Variants in STXBP5 observed in about 807,000 individuals in gnomAD.
STXBP5 encodes the protein syntaxin binding protein 5.
STXBP5 carries 50 observed loss-of-function variants against 152.4 expected under a neutral mutation model. The observed-to-expected ratio is 0.33, with a 90% CI of 0.26 to 0.42. The LOEUF is 0.42. STXBP5 is among the 10% of genes least tolerant of loss of function. The probability of loss-of-function intolerance (pLI) is 1.00; values close to 1 mark genes in which losing one functional copy is unlikely to be tolerated. For missense variants in STXBP5, 1,167 were observed against 1,388.6 expected, an observed-to-expected ratio of 0.84 and a Z score of 2.54; for synonymous variants, 492 against 494.7, an observed-to-expected ratio of 0.99 and a Z score of 0.07.
intron 7 of STXBP5, among the ~76,000 whole-genome samples, chr6:147,271,941 A>G (rs1305685218): frequency 1.3e-5 from 2 of 152,130 alleles, no homozygotes; most frequent in African/African-American, 4.8e-5. Context: ...GTATCATTCC[A>G]GTTTCTACAG....
At chr6:147,340,027 G>T (rs1784019887) in intron 21 of STXBP5, among the ~76,000 whole-genome samples, 1 of 151,978 alleles carries the variant, frequency 6.6e-6, no homozygotes, top group African/African-American at 2.4e-5. Flanking sequence ...GGGTTTCAAG[G>T]TCACGAAAGT....
chr6:147,363,165 C>T (rs1194546388), intron 23 of STXBP5, among the ~76,000 whole-genome samples, 170 bp from the exon 24 acceptor site: 4 of 152,158 alleles, frequency 2.6e-5, no homozygotes, highest in Non-Finnish European at 4.4e-5. Context: ...CATCTTTTTC[C>T]AGACTCATAA....
chr6:147,324,263 GGTTT>G (rs1783095780), intron 16 of STXBP5, among the ~76,000 whole-genome samples: 2 of 85,042 alleles, frequency 2.4e-5, no homozygotes, highest in African/African-American at 9.0e-5. Flanking sequence ...GTTTTTTTTT[GGTTT>G]TTTTTTTTTT....
intron 16 of STXBP5, among the ~76,000 whole-genome samples, chr6:147,321,003 C>CA (rs1562485446): frequency 6.6e-6 from 1 of 152,028 alleles, no homozygotes; most frequent in East Asian, 1.9e-4. Context: ...TTTTTGGAGA[C>CA]AGAGTCATGA....
At chr6:147,246,927 T>G (rs1778838205) in intron 4 of STXBP5, among the ~76,000 whole-genome samples, 1 of 152,174 alleles carries the variant, frequency 6.6e-6, no homozygotes, top group Admixed American at 6.5e-5. Context: ...AGCATCAGAT[T>G]TTCCCAGTAT....
At chr6:147,209,836 G>A (rs954912764) in intron 2 of STXBP5, among the ~76,000 whole-genome samples, 4 of 152,174 alleles carry the variant, frequency 2.6e-5, no homozygotes, top group African/African-American at 9.6e-5. Flanking sequence ...AAGGAAAACA[G>A]TATGGGCAAA....
At chr6:147,257,125 G>C (rs1339242742) in intron 4 of STXBP5, among the ~76,000 whole-genome samples, 1 of 151,608 alleles carries the variant, frequency 6.6e-6, no homozygotes. Context: ...TGATTTGTAA[G>C]ATATGTTTAA....
intron 5 of STXBP5, among the ~76,000 whole-genome samples, chr6:147,261,845 T>C (rs1011601144): frequency 1.4e-4 from 22 of 152,118 alleles, no homozygotes; most frequent in African/African-American, 5.1e-4. Flanking sequence ...AACTTCTTTT[T>C]CTCTGAGCAG....
chr6:147,246,629 T>G (rs1249330743), intron 4 of STXBP5, among the ~76,000 whole-genome samples: 1 of 152,176 alleles, frequency 6.6e-6, no homozygotes, highest in Non-Finnish European at 1.5e-5. Context: ...AATAGTCTGA[T>G]TTACAGTTTC....
chr6:147,346,718 T>C (rs1392405585), intron 21 of STXBP5, among the ~76,000 whole-genome samples: 1 of 151,668 alleles, frequency 6.6e-6, no homozygotes, highest in East Asian at 1.9e-4. Flanking sequence ...CCAGTGTGGG[T>C]GACAGGGTGA....
intron 23 of STXBP5, among the ~76,000 whole-genome samples, 163 bp downstream of exon 23, chr6:147,359,486 T>G (rs1252253934): frequency 6.6e-6 from 1 of 151,968 alleles, no homozygotes; most frequent in East Asian, 1.9e-4. Flanking sequence ...ATACTTTAAG[T>G]TTTAGGGTAC....
rs537706919 is a variant in STXBP5, at chr6:147,304,711, G to T, written c.918-5373G>T. On this transcript the variant is annotated intron_variant, in intron 9 of 27. Transcript: ENST00000321680. Reference sequence around the variant, plus strand: ...CCTGCAAAGCCACAGGGGCAGAGCTGTCAAGACCATGGGAACCCACCTCTT... The same window carrying T: ...CCTGCAAAGCCACAGGGGCAGAGCTTTCAAGACCATGGGAACCCACCTCTT... Among the ~76,000 whole-genome samples the T allele has an allele frequency of 6.6e-5, 10 of 152,294 alleles. No individual in the cohort carries two copies. The East Asian group carries it at 1.4e-3, about 21-fold the overall frequency.
intron 16 of STXBP5, 146 bp from the exon 17 acceptor site, chr6:147,324,813 C>A: frequency 1.4e-6 from 1 of 725,110 alleles, no homozygotes; most frequent in Non-Finnish European, 1.9e-6. Context: ...TTAGTCCCTC[C>A]AACTAGGTTA....
intron 21 of STXBP5, among the ~76,000 whole-genome samples, chr6:147,349,731 G>A (rs1219165119): frequency 6.6e-6 from 1 of 152,124 alleles, no homozygotes; most frequent in African/African-American, 2.4e-5. Flanking sequence ...TGGGAGGCCA[G>A]AAGTATATCC....
At position 147,311,466 on chromosome 6, in the gene STXBP5, C is replaced by G; in HGVS notation, c.1084C>G (p.Pro362Ala). The G allele has an allele frequency of 6.2e-7, 1 of 1,612,008 alleles. No individual in the cohort carries two copies. The highest frequency in any genetic ancestry group is 8.5e-7 in the Non-Finnish European group (1 of 1,179,076). The change falls in exon 11 of 28, where the codon CCA (proline) becomes GCA (alanine). Residue 362 changes from proline (P) to alanine (A), a missense_variant. Physicochemically the swap from Pro to Ala is conservative, Grantham distance 27. Transcript: ENST00000321680. Reference sequence around the variant, plus strand: ...TTGTCCAATTCCAGATTTTCAAGAACCATATGCTGTGGTTGTTCTTCTAGA... The same window carrying G: ...TTGTCCAATTCCAGATTTTCAAGAAGCATATGCTGTGGTTGTTCTTCTAGA... ...ETPYPNDFQE[P>A]YAVVVLLEKD...
chr6:147,365,907 T>G (rs1785268895), intron 25 of STXBP5, among the ~76,000 whole-genome samples: 1 of 152,202 alleles, frequency 6.6e-6, no homozygotes, highest in Non-Finnish European at 1.5e-5. Flanking sequence ...TTAACCCTCC[T>G]TCCTGAAACA....
intron 7 of STXBP5, among the ~76,000 whole-genome samples, chr6:147,275,549 CTTTTTTTTTTTT>C (rs71031021): frequency 3.1e-5 from 2 of 64,456 alleles, no homozygotes; most frequent in East Asian, 5.1e-4. Flanking sequence ...AGTAAATATT[CTTTTTTTTTTTT>C]TTTTTTTTTT....
At chr6:147,370,402 T>G (rs1785486776) in intron 25 of STXBP5, among the ~76,000 whole-genome samples, 1 of 152,072 alleles carries the variant, frequency 6.6e-6, no homozygotes, top group Non-Finnish European at 1.5e-5. Flanking sequence ...TGTATGTCGA[T>G]TATACTTCAG....
chr6:147,213,434 A>ATATATGTGTG (rs1216361619), intron 2 of STXBP5, among the ~76,000 whole-genome samples: 1 of 85,534 alleles, frequency 1.2e-5, no homozygotes, highest in African/African-American at 4.3e-5. Context: ...AATTTTATAT[A>ATATATGTGTG]TGTGTGTGTG....
Sources: gnomAD v4.1 joint callset for allele counts (sites outside exome capture counted in the v4.1 genomes callset) on GRCh38, gnomAD v4.1.1 for gene constraint, MANE v1.5 for transcripts, NCBI Gene and HGNC (gene_info 2026-07-23, HGNC 2026-07-21) for gene names.